The following CENPO variants were observed in gnomAD, a reference collection of about 807,000 sequenced individuals.
The protein encoded by CENPO is centromere protein O.
In CENPO, 30 loss-of-function variants were observed where a neutral mutation model predicts 36.1. The ratio of observed to expected loss-of-function variants is 0.83; its 90% CI spans 0.62 to 1.13. The LOEUF is 1.13. Among genes scored for constraint, CENPO ranks in the 50% most tolerant of loss-of-function variants. The pLI is 0.00. For missense variants in CENPO, 349 were observed against 357.8 expected (o/e 0.98, Z 0.20); for synonymous variants, 171 against 142.3 (o/e 1.20, Z -1.44).
chr2:24,798,908 A>G (rs558835569), intron 2 of CENPO, among the ~76,000 whole-genome samples: 4 of 151,780 alleles, frequency 2.6e-5, no homozygotes, highest in East Asian at 1.9e-4. Context: ...ATGTTCATCC[A>G]TATGAACCCT....
rs779771815 is a variant in CENPO at position 24,821,524 on chromosome 2, C to CATGA, written c.*2207_*2208insTGAA. ...CCAGCTGGGGGTGCTCACCTATGCG[C>CATGA]AGCATGAAGTTATTGAAGGACTGGT... On this transcript the variant is annotated 3_prime_UTR_variant, in exon 8 of 8. Coordinates refer to ENST00000380834, the MANE Select transcript of CENPO (RefSeq NM_001322101.2). 1 of 1,614,092 alleles carries CATGA rather than the reference C, an allele frequency of 6.2e-7. No individual in the cohort carries two copies. The highest frequency in any genetic ancestry group is 8.5e-7 in the Non-Finnish European group (1 of 1,179,992).
intron 3 of CENPO, among the ~76,000 whole-genome samples, chr2:24,811,379 C>G (rs1442918024): frequency 6.6e-6 from 1 of 150,552 alleles, no homozygotes; most frequent in East Asian, 2.0e-4. Flanking sequence ...CCTCCTGATT[C>G]AAGCGATTCT....
chr2:24,821,723 G>A lies in CENPO; in HGVS notation c.*2405G>A. On this transcript the variant is annotated 3_prime_UTR_variant, in exon 8 of 8. Coordinates refer to ENST00000380834, the MANE Select transcript of CENPO (RefSeq NM_001322101.2). ...TGCTGCCTTCCCTGGCAGTGTTCTG[G>A]GGGTGGATTCCCTACACCTAGATGT... The A allele has an allele frequency of 6.4e-7, 1 of 1,560,200 alleles. No individual in the cohort carries two copies. Among genetic ancestry groups the A allele is most frequent in the South Asian group, 1.2e-5 (1 of 83,906 alleles).
At position 24,817,761 on chromosome 2, in the gene CENPO, A is replaced by G; in HGVS notation, c.858A>G (p.Ser286=). 6.2e-7 allele frequency: 1 copy of G among 1,614,226 alleles called. No individual in the cohort carries two copies. The highest frequency in any genetic ancestry group is 8.5e-7 in the Non-Finnish European group (1 of 1,180,042). Residue 286 remains serine (S), a synonymous_variant, in exon 7 of 8, where the codon TCA becomes TCG. Coordinates refer to ENST00000380834, the MANE Select transcript of CENPO (RefSeq NM_001322101.2). The part of the protein sequence containing the change: ...CTKPLHQVFA[S]FTRKGEKLDM... ...AGCCCTTGCATCAAGTGTTTGCCTC[A>G]TTTACAAGAAAAGGAGAAAAGTTGG...
At chr2:24,814,620 TCACACA>T (rs10618594) in intron 4 of CENPO, 127 bp downstream of exon 4, 41 of 545,110 alleles carry the variant, frequency 7.5e-5, no homozygotes, top group South Asian at 1.0e-4. Context: ...CCCTCATCAC[TCACACA>T]CACACACACA....
At chr2:24,813,413 A>G (rs1341980937) in intron 3 of CENPO, among the ~76,000 whole-genome samples, 3 of 152,050 alleles carry the variant, frequency 2.0e-5, no homozygotes, top group Non-Finnish European at 4.4e-5. Context: ...AGCTTTTTTT[A>G]GGACCTTCAG....
chr2:24,812,960 C>T (rs530282760), intron 3 of CENPO, among the ~76,000 whole-genome samples: 79 of 137,404 alleles, frequency 5.7e-4, no homozygotes, highest in African/African-American at 1.6e-3. Flanking sequence ...AAAAAATATA[C>T]GGAGGTCAGG....
intron 3 of CENPO, among the ~76,000 whole-genome samples, chr2:24,806,327 G>T (rs564094451): frequency 2.2e-4 from 33 of 152,304 alleles, no homozygotes; most frequent in African/African-American, 7.2e-4. Context: ...TGCAACCACT[G>T]TCCTGCACCC....
rs909074432 is a variant in CENPO, at chr2:24,820,409, C to G, written c.*1091C>G. On this transcript the variant is annotated 3_prime_UTR_variant, in exon 8 of 8. Transcript: ENST00000380834. Reference sequence around the variant, plus strand: ...CTGGAAACTGCCACTGCCTGCTCTTCTGTCCCTTTGCCCCTTTCGTGGAGC... The same window carrying G: ...CTGGAAACTGCCACTGCCTGCTCTTGTGTCCCTTTGCCCCTTTCGTGGAGC... 3 of 1,323,932 alleles carry G rather than the reference C, an allele frequency of 2.3e-6. No individual in the cohort carries two copies. The highest frequency in any genetic ancestry group is 2.9e-6 in the Non-Finnish European group (3 of 1,040,426). 82.0% of individuals were successfully genotyped at this position (1,323,932 alleles called of 1,614,324 possible). A position where few individuals can be genotyped will look rare whatever the true frequency, so the allele number is the denominator to read the frequency against.
chr2:24,796,919 T>C (rs1442929045), intron 2 of CENPO, among the ~76,000 whole-genome samples: 1 of 152,016 alleles, frequency 6.6e-6, no homozygotes, highest in Non-Finnish European at 1.5e-5. Context: ...GAGGCCTGTG[T>C]GGAAATGCCT....
chr2:24,807,682 G>GAT (rs1351576395), intron 3 of CENPO, among the ~76,000 whole-genome samples: 1 of 152,160 alleles, frequency 6.6e-6, no homozygotes, highest in Non-Finnish European at 1.5e-5. Flanking sequence ...TGGTTCATAG[G>GAT]ATATGCATGT....
In CENPO at chr2:24,814,460, G is replaced by A. The variant is rs1666846990; in HGVS notation, c.301G>A (p.Val101Met). Residue 101 changes from valine to methionine, a missense_variant, in exon 4 of 8, where the codon GTG becomes ATG. Val to Met is a conservative substitution (Grantham distance 21). Transcript: ENST00000380834. ...AGCATTGGAAGAGAAATTGGAAAATGTGAAAGCCATTCTGCAGGCATATCA... is the reference window on the plus strand; with the variant it reads ...AGCATTGGAAGAGAAATTGGAAAATATGAAAGCCATTCTGCAGGCATATCA... ...QEALEEKLEN[V>M]KAILQAYHFT... 6.3e-7 allele frequency: 1 copy of A among 1,593,978 alleles called. No individual in the cohort carries two copies. The highest frequency in any genetic ancestry group is 1.7e-5 in the Admixed American group (1 of 59,978).
At position 24,817,785 on chromosome 2, in the gene CENPO, G is replaced by T; in HGVS notation, c.882G>T (p.Leu294Phe). Residue 294 changes from leucine (L) to phenylalanine (F), a missense_variant, in exon 7 of 8, where the codon TTG (leucine) becomes TTT (phenylalanine). Leu to Phe is a conservative substitution (Grantham distance 22, BLOSUM62 0). Transcript: ENST00000380834. ...FASFTRKGEK[L>F]DMSLVS is the part of the protein sequence containing the mutation. ...CATTTACAAGAAAAGGAGAAAAGTT[G>T]GATATGAGTCTGGTCTCCTAATAGA... 6.2e-7 allele frequency: 1 copy of T among 1,614,160 alleles called. No homozygotes were observed. The highest frequency in any genetic ancestry group is 8.5e-7 in the Non-Finnish European group (1 of 1,180,034).
chr2:24,812,995 CAGCACTT>C (rs1036349442), intron 3 of CENPO, among the ~76,000 whole-genome samples: 1 of 150,936 alleles, frequency 6.6e-6, no homozygotes, highest in Non-Finnish European at 1.5e-5. Context: ...CCTGTAATCC[CAGCACTT>C]TGGGAGGCCA....
chr2:24,801,122 C>T (rs1666144072), intron 3 of CENPO, among the ~76,000 whole-genome samples: 1 of 152,188 alleles, frequency 6.6e-6, no homozygotes, highest in South Asian at 2.1e-4. Context: ...GCAGAAATGT[C>T]TTCTTTTGAG....
chr2:24,814,727 G>C (rs1666862818), intron 4 of CENPO: 2 of 504,488 alleles, frequency 4.0e-6, no homozygotes, highest in Non-Finnish European at 7.2e-6. Context: ...TCAGTTGGTG[G>C]CTGGCTTATT....
intron 3 of CENPO, among the ~76,000 whole-genome samples, chr2:24,808,415 T>C (rs1453927022): frequency 6.6e-6 from 1 of 152,222 alleles, no homozygotes; most frequent in East Asian, 1.9e-4. Flanking sequence ...TTGGCCAGGC[T>C]AGTCTCGAAC....
Position 24,821,047 on chromosome 2 carries a change from A to ACCC in CENPO, c.*1737_*1739dup, listed in dbSNP as rs3214642. On this transcript the variant is annotated 3_prime_UTR_variant, in exon 8 of 8. Transcript: ENST00000380834. ...GTGTGCTTGTTAGGTGTCAGCCGCC[A>ACCC]CCCCCCCCCCATATGCAGATTTACT... The ACCC allele has an allele frequency of 2.4e-5, 13 of 533,478 alleles. No individual in the cohort carries two copies. Among genetic ancestry groups the ACCC allele is most frequent in the Middle Eastern group, 5.2e-4 (1 of 1,906 alleles). 33.0% of individuals were successfully genotyped at this position (533,478 alleles called of 1,614,324 possible).
chr2:24,796,369 T>C (rs1205371969), intron 2 of CENPO, among the ~76,000 whole-genome samples: 1 of 152,020 alleles, frequency 6.6e-6, no homozygotes, highest in Non-Finnish European at 1.5e-5. Flanking sequence ...AAAATAACCA[T>C]TTCCGGAGTG....
Sources: allele counts gnomAD v4.1 joint callset (sites outside exome capture counted in the v4.1 genomes callset), GRCh38; gene constraint gnomAD v4.1.1; transcripts MANE v1.5; gene names NCBI Gene and HGNC (gene_info 2026-07-23, HGNC 2026-07-21).